FOXO3B: variants seen among roughly 807,000 people sequenced by gnomAD.
The protein encoded by FOXO3B is forkhead box protein O3B.
A neutral mutation model predicts 21.9 loss-of-function variants in FOXO3B; 15 were observed. That is an observed-to-expected ratio of 0.68 (90% CI 0.46 to 1.05). The LOEUF is 1.05. Ranked by LOEUF, FOXO3B falls within the 50% of genes least tolerant of loss-of-function variation. The pLI is 0.00. For missense variants in FOXO3B, 293 were observed against 435.5 expected, an observed-to-expected ratio of 0.67 and a Z score of 2.91; for synonymous variants, 135 against 213.6, an observed-to-expected ratio of 0.63 and a Z score of 3.21.
At chr17:18,680,695 C>T in intron 3 of FOXO3B, 46 bp downstream of exon 3, 1 of 1,593,976 alleles carries the variant, frequency 6.3e-7, no homozygotes, top group Non-Finnish European at 8.6e-7. Context: ...TGCATCTGTA[C>T]TCTAAGAAAC....
At chr17:18,675,956 C>A (rs960744868) in intron 3 of FOXO3B, among the ~76,000 whole-genome samples, 1 of 152,016 alleles carries the variant, frequency 6.6e-6, no homozygotes, top group Non-Finnish European at 1.5e-5. Flanking sequence ...GCCTAACACA[C>A]CAGAAAATAA....
At position 18,670,687 on chromosome 17, in the gene FOXO3B, T is replaced by G. The variant is rs1193018459; in HGVS notation, c.*1622A>C. Among the ~76,000 whole-genome samples the G allele has an allele frequency of 2.6e-5, 4 of 152,164 alleles. No homozygotes were observed. Among genetic ancestry groups the G allele is most frequent in the African/African-American group, 9.7e-5 (4 of 41,428 alleles). On this transcript the variant is annotated 3_prime_UTR_variant, in exon 4 of 4. Transcript: ENST00000395675. The stretch of plus-strand genomic sequence containing the variant: ...TACAAAGAAGATTTTGCATACTTTT[T>G]AGAGTTCTATTCCAAGGGTAAGTGC...
At chr17:18,678,259 G>T (rs2032528448) in intron 3 of FOXO3B, among the ~76,000 whole-genome samples, 1 of 152,060 alleles carries the variant, frequency 6.6e-6, no homozygotes, top group Admixed American at 6.5e-5. Flanking sequence ...TTATAAAAAG[G>T]TTTTTTTAAA....
intron 3 of FOXO3B, among the ~76,000 whole-genome samples, chr17:18,676,740 G>T (rs2649422): frequency 3.4e-5 from 5 of 148,152 alleles, no homozygotes; most frequent in African/African-American, 1.3e-4. Flanking sequence ...TCCCTCTGTC[G>T]CCCAGGCTGG....
chr17:18,682,182 G>A, intron 1 of FOXO3B, 22 bp downstream of exon 1: 1 of 686,414 alleles, frequency 1.5e-6, no homozygotes, highest in Non-Finnish European at 2.7e-6. Flanking sequence ...CGAGACGAGA[G>A]ACATCACCAC....
Position 18,671,134 on chromosome 17 carries a change from T to C in FOXO3B, c.*1175A>G. On this transcript the variant is annotated 3_prime_UTR_variant, in exon 4 of 4. Coordinates refer to ENST00000395675, the MANE Select transcript of FOXO3B (RefSeq NM_001368135.1). ...TTCTCATGGCCCATGACGGGCAGGT[T>C]TGCACTAGTTGAGTACAAGGAGGAG... 4 of 941,168 alleles carry C rather than the reference T, an allele frequency of 4.3e-6. No individual in the cohort carries two copies. The highest frequency in any genetic ancestry group is 6.9e-6 in the Non-Finnish European group (4 of 579,500). The allele number at this position is 941,168 out of a possible 1,614,324, so 58.3% of individuals were successfully genotyped here. A position where few individuals can be genotyped will look rare whatever the true frequency, so the allele number is the denominator to read the frequency against.
chr17:18,677,929 A>AG (rs2032524193), intron 3 of FOXO3B, among the ~76,000 whole-genome samples: 3 of 149,990 alleles, frequency 2.0e-5, no homozygotes. Flanking sequence ...AAAAAAAAAA[A>AG]AAAGAAAGAA....
At chr17:18,674,407 C>A (rs538639667) in intron 3 of FOXO3B, among the ~76,000 whole-genome samples, 1 of 148,906 alleles carries the variant, frequency 6.7e-6, no homozygotes, top group African/African-American at 2.5e-5. Context: ...GGGCGGATCA[C>A]GAGGTCAGGA....
Position 18,670,577 on chromosome 17 carries a change from C to T in FOXO3B, c.*1732G>A, listed in dbSNP as rs1290765800. On this transcript the variant is annotated 3_prime_UTR_variant, in exon 4 of 4. Coordinates refer to ENST00000395675, the MANE Select transcript of FOXO3B (RefSeq NM_001368135.1). ...CAATATTAAAACACCACAGAATGGC[C>T]GAAGAGGGCTCACGGTGTGCTCTGA... is the stretch of plus-strand genomic sequence containing the variant. Among the ~76,000 whole-genome samples the T allele has an allele frequency of 6.6e-6, 1 of 152,160 alleles. No homozygotes were observed. The highest frequency in any genetic ancestry group is 2.4e-5 in the African/African-American group (1 of 41,428).
Position 18,672,264 on chromosome 17 carries a change from C to T in FOXO3B, c.*45G>A, listed in dbSNP as rs2032383741. The T allele has an allele frequency of 6.2e-7, 1 of 1,611,880 alleles. No homozygotes were observed. Among genetic ancestry groups the T allele is most frequent in the African/African-American group, 1.3e-5 (1 of 74,886 alleles). On this transcript the variant is annotated 3_prime_UTR_variant, in exon 4 of 4. Coordinates refer to ENST00000395675, the MANE Select transcript of FOXO3B (RefSeq NM_001368135.1). The surrounding 1 kb of genome is among the most constrained non-coding windows in gnomAD (Gnocchi z 4.2). Reference sequence around the variant, plus strand: ...TGCCAGTTCCCTCATTCTGGACCCGCATGAATCGACTATGCAGTGACAGGT... The same window carrying T: ...TGCCAGTTCCCTCATTCTGGACCCGTATGAATCGACTATGCAGTGACAGGT...
rs2032514621 is a variant in FOXO3B at position 18,677,582 on chromosome 17, G to C, written c.126+3159C>G. ...GGGGCGCCGGCGGGCCCAGCGGCAG[G>C]GCCAAAGCCGGGCGGGCCCTGGCCA... On this transcript the variant is annotated intron_variant, in intron 3 of 3. Transcript: ENST00000395675. 8 of 1,603,234 alleles carry C rather than the reference G, an allele frequency of 5.0e-6. No homozygotes were observed. The South Asian group carries it at 7.7e-5, about 15-fold the overall frequency.
chr17:18,668,306 GAACAAAA>G lies in FOXO3B; in HGVS notation c.*3996_*4002del, dbSNP rs1597493596. On this transcript the variant is annotated 3_prime_UTR_variant, in exon 4 of 4. Transcript: ENST00000395675. ...TACTTGAAAAAGAAAAAACAAAACA[GAACAAAA>G]AACCAAAGCATTCCCTCTTCATTCT... The G allele has an allele frequency of 6.6e-6, 1 of 152,350 alleles. No individual in the cohort carries two copies. The highest frequency in any genetic ancestry group is 1.9e-4 in the East Asian group (1 of 5,196). The allele number at this position is 152,350 out of a possible 1,614,324, so 9.4% of individuals were successfully genotyped here.
Position 18,672,393 on chromosome 17 carries a change from G to A in FOXO3B, c.789C>T (p.Leu263=). The A allele has an allele frequency of 6.2e-7, 1 of 1,613,510 alleles. No homozygotes were observed. ...RAIESSPDRR[L]TLSQIYEWMV... ...TCCACTCGTAGATCTGGGACAGAGT[G>A]AGCCGTCTGTCCGGGGAGCTCTCGA... The change falls in exon 4 of 4, where the codon CTC becomes CTT. Residue 263 remains leucine (L), a synonymous_variant. Coordinates refer to ENST00000395675, the MANE Select transcript of FOXO3B (RefSeq NM_001368135.1). The surrounding 1 kb of genome is among the most constrained non-coding windows in gnomAD (Gnocchi z 4.2).
At chr17:18,673,675 T>C (rs1271910044) in intron 3 of FOXO3B, among the ~76,000 whole-genome samples, 1 of 151,848 alleles carries the variant, frequency 6.6e-6, no homozygotes, top group African/African-American at 2.4e-5. Flanking sequence ...CTCCAGGATT[T>C]TGTCTGTTAC....
In FOXO3B at chr17:18,670,511, CA is replaced by C. The variant is rs2032342734; in HGVS notation, c.*1797del. The stretch of plus-strand genomic sequence containing the variant: ...AAAAACTCAGAAAGTCAAAGGAAAA[CA>C]AACACAAGAACAACACTTAAAACAT... On this transcript the variant is annotated 3_prime_UTR_variant, in exon 4 of 4. Transcript: ENST00000395675. Among the ~76,000 whole-genome samples, 1 of 152,168 alleles carries C rather than the reference CA, an allele frequency of 6.6e-6. No individual in the cohort carries two copies. The highest frequency in any genetic ancestry group is 1.5e-5 in the Non-Finnish European group (1 of 68,040).
intron 3 of FOXO3B, among the ~76,000 whole-genome samples, chr17:18,678,041 C>T (rs2032526418): frequency 6.6e-6 from 1 of 151,812 alleles, no homozygotes; most frequent in Non-Finnish European, 1.5e-5. Flanking sequence ...CTAGAATCTG[C>T]ATATACATAA....
chr17:18,676,646 G>A lies in FOXO3B; in HGVS notation c.127-3591C>T, dbSNP rs544712033. 2.0e-3 allele frequency among the ~76,000 whole-genome samples: 296 copies of A among 151,714 alleles called. 1 individual carries two copies. The highest frequency in any genetic ancestry group is 3.2e-3 in the Non-Finnish European group (215 of 67,960). On this transcript the variant is annotated intron_variant, in intron 3 of 3. Transcript: ENST00000395675. ...CCGAAATGATTCACACCAATTTCAA[G>A]ATATAATGGTTACTTCTAGGGGAGA...
intron 3 of FOXO3B, chr17:18,677,561 C>T: frequency 1.2e-6 from 2 of 1,603,344 alleles, no homozygotes; most frequent in East Asian, 2.2e-5. Context: ...TCCACGGGGG[C>T]GCCGGCGGGC....
chr17:18,679,452 C>CTT (rs546420565), intron 3 of FOXO3B, among the ~76,000 whole-genome samples: 7 of 127,376 alleles, frequency 5.5e-5, no homozygotes, highest in Non-Finnish European at 4.9e-5. Flanking sequence ...TCCTCCTCAA[C>CTT]TTTTTTTTTT....
Sources: allele counts gnomAD v4.1 joint callset (sites outside exome capture counted in the v4.1 genomes callset), GRCh38; gene constraint gnomAD v4.1.1; non-coding constraint Gnocchi (gnomAD v3.1); transcripts MANE v1.5; gene names NCBI Gene and HGNC (gene_info 2026-07-23, HGNC 2026-07-21).